The following NEDD4L variants were observed in gnomAD, a reference collection of about 807,000 sequenced individuals.
NEDD4L encodes NEDD4 like E3 ubiquitin protein ligase.
In NEDD4L, 54 loss-of-function variants were observed where a neutral mutation model predicts 148.9. That is an observed-to-expected ratio of 0.36 (90% confidence interval 0.29 to 0.45). NEDD4L has a LOEUF of 0.45. Among genes scored for constraint, NEDD4L ranks in the 20% least tolerant of loss-of-function variants. The probability of loss-of-function intolerance (pLI) is 1.00; values close to 1 mark genes in which losing one functional copy is unlikely to be tolerated. For missense variants in NEDD4L, 856 were observed against 1,233.8 expected, an observed-to-expected ratio of 0.69 and a Z score of 4.59; for synonymous variants, 433 against 440.7, an observed-to-expected ratio of 0.98 and a Z score of 0.22.
In NEDD4L at chr18:58,228,606, C is replaced by T. The variant is rs61283694; in HGVS notation, c.123-16821C>T. Among the ~76,000 whole-genome samples the T allele has an allele frequency of 4.8e-3, 728 of 152,294 alleles. 5 individuals are homozygous for T. The highest frequency in any genetic ancestry group is 0.015 in the African/African-American group (616 of 41,556). On this transcript the variant is annotated intron_variant, in intron 2 of 30. Coordinates refer to ENST00000400345, the MANE Select transcript of NEDD4L (RefSeq NM_001144967.3). The stretch of plus-strand genomic sequence containing the variant: ...CGGAAAAGGCGAGGTTGGGACTTTC[C>T]GTGAATTTTCTCCTCAAGGTGCTTA...
rs35777699 is a variant in NEDD4L at position 58,347,964 on chromosome 18, G to GTT, written c.1576-1564_1576-1563dup. Among the ~76,000 whole-genome samples the GTT allele has an allele frequency of 6.3e-3, 938 of 149,772 alleles. 10 individuals carry two copies. The highest frequency in any genetic ancestry group is 0.019 in the African/African-American group (763 of 40,822). The stretch of plus-strand genomic sequence containing the variant: ...TCTTAAGCTTATTTGGTTGATAGTG[G>GTT]TTTTTTTTTTGAGTATAAAGATATG... On this transcript the variant is annotated intron_variant, in intron 16 of 30. Coordinates refer to ENST00000400345, the MANE Select transcript of NEDD4L (RefSeq NM_001144967.3).
At chr18:58,276,736 G>A (rs2148897999) in intron 5 of NEDD4L, among the ~76,000 whole-genome samples, 1 of 150,968 alleles carries the variant, frequency 6.6e-6, no homozygotes, top group Non-Finnish European at 1.5e-5. Flanking sequence ...ACTAGGCGAA[G>A]TTAATAGCTC....
At chr18:58,127,282 A>G (rs2031289732) in intron 1 of NEDD4L, among the ~76,000 whole-genome samples, 2 of 152,394 alleles carry the variant, frequency 1.3e-5, no homozygotes, top group East Asian at 3.9e-4. Context: ...GGCTGCCCAC[A>G]GGACGCTGCA....
chr18:58,324,428 C>T (rs2059126386), intron 8 of NEDD4L, among the ~76,000 whole-genome samples: 1 of 152,176 alleles, frequency 6.6e-6, no homozygotes, highest in Admixed American at 6.5e-5. Flanking sequence ...CTGGCTCCTG[C>T]GGTTGTTTGG....
rs1289086877 is a variant in NEDD4L at position 58,272,593 on chromosome 18, A to G, written c.297+20539A>G. On this transcript the variant is annotated intron_variant, in intron 5 of 30. Transcript: ENST00000400345. ...TGCTGTGAGCTGTGATTACACCACT[A>G]TACTCCAGCCTGGGTGACAGAGCGA... is the stretch of plus-strand genomic sequence containing the variant. Among the ~76,000 whole-genome samples the G allele has an allele frequency of 4.0e-5, 6 of 151,788 alleles. No homozygotes were observed. The East Asian group carries it at 7.7e-4, about 20-fold the overall frequency.
chr18:58,146,591 C>T (rs1267783418), intron 1 of NEDD4L, among the ~76,000 whole-genome samples: 4 of 152,138 alleles, frequency 2.6e-5, no homozygotes, highest in South Asian at 2.1e-4. Context: ...TAAAAAGTGC[C>T]GGAGAACCTG....
At chr18:58,225,931 A>G (rs1423930851) in intron 2 of NEDD4L, among the ~76,000 whole-genome samples, 5 of 152,224 alleles carry the variant, frequency 3.3e-5, no homozygotes, top group East Asian at 1.9e-4. Flanking sequence ...TTCTTCTGCC[A>G]TGGTATCTCC....
chr18:58,058,263 G>A lies in NEDD4L; in HGVS notation c.48+13555G>A, dbSNP rs550349792. The stretch of plus-strand genomic sequence containing the variant: ...GGAGATTGCAGTGAGCCAAGATGGT[G>A]CCACTGCACTCTAGCCTGGCGACAG... On this transcript the variant is annotated intron_variant, in intron 1 of 30. Transcript: ENST00000400345. Among the ~76,000 whole-genome samples, 10 of 152,352 alleles carry A rather than the reference G, an allele frequency of 6.6e-5. No individual in the cohort carries two copies. The East Asian group carries it at 1.9e-3, about 29-fold the overall frequency.
chr18:58,194,197 T>A (rs2040420447), intron 2 of NEDD4L: 1 of 152,212 alleles, frequency 6.6e-6, no homozygotes. Context: ...GGAATTCTAA[T>A]GGGCTGCCTG....
chr18:58,110,815 C>A (rs1272884517), intron 1 of NEDD4L, among the ~76,000 whole-genome samples: 1 of 152,202 alleles, frequency 6.6e-6, no homozygotes, highest in Admixed American at 6.5e-5. Flanking sequence ...TCAGTATATG[C>A]CTGTGCATGT....
intron 2 of NEDD4L, among the ~76,000 whole-genome samples, chr18:58,166,474 G>C (rs557769304): frequency 6.6e-6 from 1 of 152,330 alleles, no homozygotes; most frequent in South Asian, 2.1e-4. Flanking sequence ...ACTGGGAGCA[G>C]GGTGAGGGTA....
intron 2 of NEDD4L, among the ~76,000 whole-genome samples, chr18:58,233,967 T>G (rs1382918638): frequency 6.6e-6 from 1 of 152,210 alleles, no homozygotes; most frequent in Non-Finnish European, 1.5e-5. Flanking sequence ...TGTTTGTTTC[T>G]GTGTCTACCT....
chr18:58,057,411 C>T (rs1206630039), intron 1 of NEDD4L, among the ~76,000 whole-genome samples: 2 of 152,170 alleles, frequency 1.3e-5, no homozygotes, highest in Non-Finnish European at 2.9e-5. Context: ...GCTGGCTGAA[C>T]AGGAACAGCT....
chr18:58,248,093 GT>G (rs1207420852), intron 3 of NEDD4L, among the ~76,000 whole-genome samples: 1 of 151,950 alleles, frequency 6.6e-6, no homozygotes, highest in African/African-American at 2.4e-5. Flanking sequence ...TGAAGTGATG[GT>G]TTTTTTTTAC....
chr18:58,163,223 G>A (rs1052072758), intron 1 of NEDD4L, among the ~76,000 whole-genome samples: 2 of 152,182 alleles, frequency 1.3e-5, no homozygotes, highest in Non-Finnish European at 2.9e-5. Flanking sequence ...TGGTACTATA[G>A]GTACTTCAGG....
intron 2 of NEDD4L, among the ~76,000 whole-genome samples, chr18:58,234,073 CTTTCTTTCTTTCTTTCTTTCTTTCTTTCT>C (rs1457794141): frequency 1.1e-4 from 10 of 90,592 alleles, no homozygotes; most frequent in African/African-American, 2.4e-4. Flanking sequence ...TTCTTTCTTT[CTTTCTTTCTTTCTTTCTTTCTTTCTTTCT>C]TTTCTTTTCT....
intron 18 of NEDD4L, among the ~76,000 whole-genome samples, chr18:58,356,015 G>A (rs144943090): frequency 1.2e-3 from 185 of 152,144 alleles, no homozygotes; most frequent in African/African-American, 4.3e-3. Flanking sequence ...GAGCATAGTG[G>A]CACAGTCATA....
intron 18 of NEDD4L, 36 bp downstream of exon 18, chr18:58,351,081 G>T: frequency 6.4e-7 from 1 of 1,564,062 alleles, no homozygotes; most frequent in East Asian, 2.3e-5. Context: ...CAGGTGTTGT[G>T]GGTTAGAGGG....
intron 5 of NEDD4L, among the ~76,000 whole-genome samples, chr18:58,255,275 A>G (rs1427403616): frequency 6.6e-6 from 1 of 151,912 alleles, no homozygotes; most frequent in Non-Finnish European, 1.5e-5. Context: ...CTGATGGAAA[A>G]GCAGCAGCTG....
Sources: gnomAD v4.1 joint callset for allele counts (sites outside exome capture counted in the v4.1 genomes callset) on GRCh38, gnomAD v4.1.1 for gene constraint, MANE v1.5 for transcripts, NCBI Gene and HGNC (gene_info 2026-07-23, HGNC 2026-07-21) for gene names.